The following RBPJ variants were observed in gnomAD, a reference collection of about 807,000 sequenced individuals.
RBPJ encodes the protein recombining binding protein suppressor of hairless.
In RBPJ, 9 loss-of-function variants were observed where a neutral mutation model predicts 67.8. That is an observed-to-expected ratio of 0.13 (90% CI 0.08 to 0.23). The LOEUF is 0.23. Ranked by LOEUF, RBPJ falls within the 10% of genes least tolerant of loss-of-function variation. The pLI is 1.00. For missense variants in RBPJ, 305 were observed against 595.6 expected (o/e 0.51, Z 5.08); for synonymous variants, 198 against 203.3 (o/e 0.97, Z 0.22).
intron 3 of RBPJ, among the ~76,000 whole-genome samples, chr4:26,412,080 A>C (rs1734078529): frequency 6.8e-6 from 1 of 147,874 alleles, no homozygotes; most frequent in South Asian, 2.2e-4. Context: ...GCGCCACTGC[A>C]CTCCAGCCTG....
intron 1 of RBPJ, among the ~76,000 whole-genome samples, chr4:26,191,213 A>ATATT (rs1438953419): frequency 3.4e-5 from 1 of 29,060 alleles, no homozygotes; most frequent in African/African-American, 1.3e-4. Flanking sequence ...ATATATATAG[A>ATATT]GAGAGAGAGA....
At chr4:26,212,923 C>T (rs1718481005) in intron 1 of RBPJ, among the ~76,000 whole-genome samples, 1 of 152,122 alleles carries the variant, frequency 6.6e-6, no homozygotes, top group Admixed American at 6.6e-5. Flanking sequence ...CTGGAGGCTG[C>T]AGGAAGATGA....
At chr4:26,218,507 G>A (rs1256574152) in intron 1 of RBPJ, among the ~76,000 whole-genome samples, 1 of 152,136 alleles carries the variant, frequency 6.6e-6, no homozygotes, top group Non-Finnish European at 1.5e-5. Flanking sequence ...CGTACTCATG[G>A]GTCAGACAGG....
intron 1 of RBPJ, among the ~76,000 whole-genome samples, chr4:26,168,865 G>A (rs1221166530): frequency 1.3e-5 from 2 of 151,808 alleles, no homozygotes; most frequent in African/African-American, 2.4e-5. Context: ...GATCACATCG[G>A]CTCCTGAGGC....
At chr4:26,320,572 G>A (rs929455821), upstream of RBPJ, 1 of 571,496 alleles carries the variant, frequency 1.7e-6, no homozygotes, top group South Asian at 2.6e-5. Context: ...CACCCATTGA[G>A]GAGGTGTTTC....
At chr4:26,401,259 A>T (rs2109717647) in intron 2 of RBPJ, among the ~76,000 whole-genome samples, 1 of 152,348 alleles carries the variant, frequency 6.6e-6, no homozygotes, top group East Asian at 1.9e-4. Context: ...GACCCTTAGT[A>T]ACAGACCCGG....
chr4:26,122,840 A>G, the RBPJ span, among the ~76,000 whole-genome samples: 1 of 152,214 alleles, frequency 6.6e-6, no homozygotes, highest in Non-Finnish European at 1.5e-5. Context: ...ACAGCCATAA[A>G]TAATACAAAA....
intron 1 of RBPJ, among the ~76,000 whole-genome samples, chr4:26,270,662 G>A (rs1398979327): frequency 6.6e-6 from 1 of 151,682 alleles, no homozygotes; most frequent in Non-Finnish European, 1.5e-5. Flanking sequence ...CTTCCTAGGT[G>A]TACTTCATCC....
chr4:26,270,381 G>GA (rs1466441305), intron 1 of RBPJ, among the ~76,000 whole-genome samples: 1 of 49,422 alleles, frequency 2.0e-5, no homozygotes, highest in African/African-American at 6.9e-5. Context: ...AAGAAAGAAA[G>GA]AAAGAAAGAA....
intron 1 of RBPJ, among the ~76,000 whole-genome samples, chr4:26,338,577 C>CTTTT (rs34060445): frequency 7.3e-6 from 1 of 137,578 alleles, no homozygotes; most frequent in Non-Finnish European, 1.6e-5. Context: ...TAGGCTCTAA[C>CTTTT]TTTTTTTTTT....
chr4:26,261,177 A>G (rs549320658), intron 1 of RBPJ, among the ~76,000 whole-genome samples: 1 of 152,332 alleles, frequency 6.6e-6, no homozygotes, highest in South Asian at 2.1e-4. Flanking sequence ...AAATAGAACA[A>G]GATGCAACAG....
chr4:26,225,332 A>T (rs1719042600), intron 1 of RBPJ, among the ~76,000 whole-genome samples: 1 of 152,228 alleles, frequency 6.6e-6, no homozygotes, highest in African/African-American at 2.4e-5. Context: ...TTAATTGCTT[A>T]TAGTTAAGTG....
intron 1 of RBPJ, chr4:26,272,502 T>A (rs1226602228): frequency 3.1e-6 from 1 of 318,998 alleles, no homozygotes; most frequent in African/African-American, 2.2e-5. Context: ...GACCAGAAGT[T>A]CAAGGCTGCA....
chr4:26,341,282 A>G (rs1725498068), intron 1 of RBPJ, among the ~76,000 whole-genome samples: 1 of 152,172 alleles, frequency 6.6e-6, no homozygotes, highest in Admixed American at 6.5e-5. Context: ...TGGCTCAACA[A>G]GAAGGGAGTG....
intron 1 of RBPJ, among the ~76,000 whole-genome samples, chr4:26,230,972 C>T (rs1439686428): frequency 6.6e-6 from 1 of 152,122 alleles, no homozygotes. Context: ...CAAGAATAAA[C>T]CCCTCCCCCA....
intron 1 of RBPJ, chr4:26,343,343 C>T (rs958433475): frequency 2.6e-5 from 4 of 152,092 alleles, no homozygotes; most frequent in East Asian, 1.9e-4. Context: ...ATGTTATAGA[C>T]GTGGTTTCTG....
intron 1 of RBPJ, among the ~76,000 whole-genome samples, chr4:26,352,078 C>A (rs527570585): frequency 6.6e-6 from 1 of 152,204 alleles, no homozygotes; most frequent in Non-Finnish European, 1.5e-5. Flanking sequence ...TATACTCCTG[C>A]AGCCTTGTCC....
chr4:26,188,934 C>T (rs1053887564), intron 1 of RBPJ, among the ~76,000 whole-genome samples: 1 of 152,032 alleles, frequency 6.6e-6, no homozygotes, highest in Admixed American at 6.6e-5. Context: ...ACTTGATTTG[C>T]AATAAAATGA....
intron 1 of RBPJ, among the ~76,000 whole-genome samples, chr4:26,332,936 A>AC (rs1183891616): frequency 6.6e-6 from 1 of 152,244 alleles, no homozygotes; most frequent in Non-Finnish European, 1.5e-5. Flanking sequence ...AGCATGAGCC[A>AC]CCATGCCTGG....
Sources: gnomAD v4.1 joint callset for allele counts (sites outside exome capture counted in the v4.1 genomes callset) on GRCh38, gnomAD v4.1.1 for gene constraint, MANE v1.5 for transcripts, NCBI Gene and HGNC (gene_info 2026-07-23, HGNC 2026-07-21) for gene names.